Variants in AUH observed in about 807,000 individuals in gnomAD.
AUH encodes the protein methylglutaconyl-CoA hydratase, mitochondrial.
A neutral mutation model predicts 42.3 loss-of-function variants in AUH; 29 were observed. That is an observed-to-expected ratio of 0.69 (90% CI 0.51 to 0.93). The LOEUF (loss-of-function observed/expected upper bound fraction) is 0.93. AUH is among the 40% of genes least tolerant of loss of function. The probability of loss-of-function intolerance (pLI) is 0.00; values close to 1 mark genes in which losing one functional copy is unlikely to be tolerated. For synonymous variants in AUH, 174 were observed against 166.4 expected (o/e 1.05, Z -0.35); for missense variants, 452 against 438.1 (o/e 1.03, Z -0.28).
At chr9:91,236,935 A>G (rs924585222) in intron 6 of AUH, among the ~76,000 whole-genome samples, 16 of 151,912 alleles carry the variant, frequency 1.1e-4, no homozygotes, top group African/African-American at 3.1e-4. Context: ...AAATGGCAGG[A>G]AAAAAAACCC....
intron 3 of AUH, 55 bp downstream of exon 3, chr9:91,355,828 T>C: frequency 6.8e-7 from 1 of 1,479,866 alleles, no homozygotes; most frequent in Non-Finnish European, 9.4e-7. Context: ...AACAGATTAC[T>C]ATTGAGGAAA....
chr9:91,295,346 G>T lies in AUH; in HGVS notation c.655+675C>A, dbSNP rs536323215. ...GATGGAATCTACTCCTGATAAAGAT[G>T]CTGTGAACACTGCAGAAATGACAAC... On this transcript the variant is annotated intron_variant, in intron 6 of 9. Coordinates refer to ENST00000375731, the MANE Select transcript of AUH (RefSeq NM_001698.3). 7.9e-5 allele frequency among the ~76,000 whole-genome samples: 12 copies of T among 152,356 alleles called. No individual in the cohort carries two copies. In the South Asian group the frequency reaches 2.5e-3, roughly 32 times the overall value.
In AUH at chr9:91,350,120, C is replaced by T. The variant is rs150712203; in HGVS notation, c.418+5763G>A. Among the ~76,000 whole-genome samples, 313 of 152,310 alleles carry T rather than the reference C, an allele frequency of 2.1e-3. 1 individual carries two copies. The highest frequency in any genetic ancestry group is 7.2e-3 in the African/African-American group (300 of 41,574). On this transcript the variant is annotated intron_variant, in intron 3 of 9. Transcript: ENST00000375731. ...CTGTCTGTATCTGTGACAACTATGA[C>T]ATATTTTTATCTGTATTTACATATT...
chr9:91,344,845 C>T (rs1831364713), intron 3 of AUH, among the ~76,000 whole-genome samples: 2 of 151,984 alleles, frequency 1.3e-5, no homozygotes, highest in South Asian at 4.1e-4. Context: ...TCAAATCCAG[C>T]AGTATATAAA....
Position 91,242,564 on chromosome 9 carries a change from G to A in AUH, c.656-21572C>T, listed in dbSNP as rs372494987. On this transcript the variant is annotated intron_variant, in intron 6 of 9. Transcript: ENST00000375731. ...AAGCTCAACACATGAAAAACACACC[G>A]TACTTGCCAACCACAGTCAGAAGTG... Among the ~76,000 whole-genome samples the A allele has an allele frequency of 3.3e-4, 51 of 152,264 alleles. 3 individuals are homozygous for A. The South Asian group carries it at 9.1e-3, about 27-fold the overall frequency.
At chr9:91,268,428 T>C (rs1824823859) in intron 6 of AUH, among the ~76,000 whole-genome samples, 1 of 149,540 alleles carries the variant, frequency 6.7e-6, no homozygotes, top group Non-Finnish European at 1.5e-5. Flanking sequence ...TAACACTTCC[T>C]AGACATTTTT....
rs1250942450 is a variant in AUH at position 91,356,273 on chromosome 9, C to T, written c.263-118G>A. On this transcript the variant is annotated intron_variant, in intron 1 of 9. Coordinates refer to ENST00000375731, the MANE Select transcript of AUH (RefSeq NM_001698.3). ...AACAAATCAAAGAAATTCATGACAT[C>T]ACGTTCCCTTCAATCGATCTCTTCT... 23 of 831,798 alleles carry T rather than the reference C, an allele frequency of 2.8e-5. No individual in the cohort carries two copies. In the Admixed American group the frequency reaches 4.1e-4, roughly 15 times the overall value. The allele number at this position is 831,798 out of a possible 1,614,324, so 51.5% of individuals were successfully genotyped here. A position where few individuals can be genotyped will look rare whatever the true frequency, so the allele number is the denominator to read the frequency against.
chr9:91,278,310 C>A (rs1825706061), intron 6 of AUH, among the ~76,000 whole-genome samples: 1 of 152,070 alleles, frequency 6.6e-6, no homozygotes, highest in African/African-American at 2.4e-5. Flanking sequence ...TTACGCGTAG[C>A]AAAAAGATTA....
intron 6 of AUH, among the ~76,000 whole-genome samples, chr9:91,283,822 A>G (rs930382595): frequency 8.5e-5 from 13 of 152,228 alleles, no homozygotes; most frequent in African/African-American, 3.1e-4. Flanking sequence ...GGACACAAAC[A>G]AATGGAAGAA....
intron 3 of AUH, among the ~76,000 whole-genome samples, chr9:91,334,323 G>A (rs953404863): frequency 6.6e-6 from 1 of 151,976 alleles, no homozygotes; most frequent in Non-Finnish European, 1.5e-5. Context: ...ATTTGAATTC[G>A]TGAACTGCAA....
At chr9:91,314,334 AC>A (rs1298372000) in intron 4 of AUH, among the ~76,000 whole-genome samples, 1 of 151,648 alleles carries the variant, frequency 6.6e-6, no homozygotes, top group African/African-American at 2.4e-5. Context: ...ACGAAACAAC[AC>A]AAAACTTAGC....
At chr9:91,311,605 C>T (rs954862726) in intron 4 of AUH, among the ~76,000 whole-genome samples, 1 of 152,196 alleles carries the variant, frequency 6.6e-6, no homozygotes, top group Non-Finnish European at 1.5e-5. Flanking sequence ...AAAATGTTTT[C>T]TATCTCATCT....
At chr9:91,237,354 C>G (rs1587665204) in intron 6 of AUH, among the ~76,000 whole-genome samples, 1 of 152,260 alleles carries the variant, frequency 6.6e-6, no homozygotes, top group Non-Finnish European at 1.5e-5. Context: ...CGTTGGTACT[C>G]AAGATCCTGG....
At chr9:91,242,156 G>A (rs370385170) in intron 6 of AUH, among the ~76,000 whole-genome samples, 11 of 152,146 alleles carry the variant, frequency 7.2e-5, no homozygotes, top group African/African-American at 2.7e-4. Context: ...GTGAGTCAAG[G>A]AAGCCATAGT....
At chr9:91,314,784 C>A (rs1001833197) in intron 4 of AUH, among the ~76,000 whole-genome samples, 3 of 152,168 alleles carry the variant, frequency 2.0e-5, no homozygotes, top group African/African-American at 7.2e-5. Context: ...CTGATTTCAA[C>A]CAACAGCCTG....
intron 6 of AUH, among the ~76,000 whole-genome samples, chr9:91,235,573 T>C (rs1459304317): frequency 6.6e-6 from 1 of 152,160 alleles, no homozygotes; most frequent in Non-Finnish European, 1.5e-5. Context: ...ACAGGTAGCA[T>C]TCAAAACCAA....
intron 3 of AUH, chr9:91,342,665 A>C (rs78004987): frequency 6.6e-6 from 1 of 152,224 alleles, no homozygotes; most frequent in Non-Finnish European, 1.5e-5. Context: ...TTTTTAAAAA[A>C]TGGAATTAGA....
chr9:91,275,747 T>C (rs1825490027), intron 6 of AUH, among the ~76,000 whole-genome samples: 1 of 152,226 alleles, frequency 6.6e-6, no homozygotes, highest in African/African-American at 2.4e-5. Context: ...ACTGAAATGC[T>C]AGTGATCAAG....
chr9:91,227,701 G>A (rs1385040524), intron 6 of AUH, among the ~76,000 whole-genome samples: 27 of 150,148 alleles, frequency 1.8e-4, no homozygotes, highest in Non-Finnish European at 3.0e-4. Flanking sequence ...GTCATAGATA[G>A]CTCTTATTAT....
Sources: allele counts gnomAD v4.1 joint callset (sites outside exome capture counted in the v4.1 genomes callset), GRCh38; gene constraint gnomAD v4.1.1; transcripts MANE v1.5; gene names NCBI Gene and HGNC (gene_info 2026-07-23, HGNC 2026-07-21).